NELL1: variants seen among roughly 807,000 people sequenced by gnomAD.
NELL1 encodes neural EGFL like 1, also known as protein kinase C-binding protein NELL1.
Under a neutral mutation model 107.4 loss-of-function variants are expected in NELL1, and 76 were observed. That is an observed-to-expected ratio of 0.71 (90% CI 0.59 to 0.86). The LOEUF (loss-of-function observed/expected upper bound fraction) is 0.86, where lower values mean the gene tolerates loss of function less well. Ranked by LOEUF, NELL1 falls within the 40% of genes least tolerant of loss-of-function variation. NELL1 has a pLI of 0.00. For synonymous variants in NELL1, 353 were observed against 341.2 expected, an observed-to-expected ratio of 1.03 and a Z score of -0.38; for missense variants, 1,024 against 1,005.5, an observed-to-expected ratio of 1.02 and a Z score of -0.25.
intron 14 of NELL1, among the ~76,000 whole-genome samples, chr11:21,264,608 C>T (rs1275889496): frequency 6.6e-6 from 1 of 151,916 alleles, no homozygotes; most frequent in African/African-American, 2.4e-5. Flanking sequence ...TTATAATAAC[C>T]TTACTATAGG....
intron 15 of NELL1, among the ~76,000 whole-genome samples, chr11:21,382,614 A>G (rs1477552777): frequency 6.6e-6 from 1 of 151,914 alleles, no homozygotes; most frequent in African/African-American, 2.4e-5. Context: ...CAAGAATAGA[A>G]TAGAAATTTT....
At chr11:20,953,918 T>C (rs919292072) in intron 11 of NELL1, among the ~76,000 whole-genome samples, 1 of 152,106 alleles carries the variant, frequency 6.6e-6, no homozygotes, top group African/African-American at 2.4e-5. Flanking sequence ...TGCGGACATG[T>C]TTATGGTATT....
At chr11:21,112,907 G>T (rs1298114049) in intron 12 of NELL1, among the ~76,000 whole-genome samples, 1 of 152,006 alleles carries the variant, frequency 6.6e-6, no homozygotes, top group Non-Finnish European at 1.5e-5. Context: ...TAAACTCTGT[G>T]CTTAAGGTTG....
chr11:21,569,682 G>C (rs113322963), intron 17 of NELL1, among the ~76,000 whole-genome samples: 3 of 151,762 alleles, frequency 2.0e-5, no homozygotes, highest in African/African-American at 7.3e-5. Context: ...ATTACTGAAG[G>C]TATGGATTCG....
Position 21,198,518 on chromosome 11 carries a change from C to T in NELL1, c.1427-30814C>T, listed in dbSNP as rs73452243. On this transcript the variant is annotated intron_variant, in intron 13 of 19. Transcript: ENST00000357134. ...TATTTGTTACTACCTGTGAACATCA[C>T]GAGCTCAATCACTGGTAGAGAGAGA... 1.8e-3 allele frequency among the ~76,000 whole-genome samples: 272 copies of T among 152,296 alleles called. 2 individuals carry two copies. Among genetic ancestry groups the T allele is most frequent in the African/African-American group, 5.8e-3 (243 of 41,576 alleles).
intron 12 of NELL1, among the ~76,000 whole-genome samples, chr11:21,097,075 C>G (rs1854660760): frequency 6.6e-6 from 1 of 152,086 alleles, no homozygotes; most frequent in African/African-American, 2.4e-5. Flanking sequence ...ATCATAAATT[C>G]AGACTAACCT....
chr11:21,346,628 A>G (rs1850688298), intron 14 of NELL1, among the ~76,000 whole-genome samples: 1 of 148,090 alleles, frequency 6.8e-6, no homozygotes. Flanking sequence ...GCTGTATCAA[A>G]TATATATTAA....
At chr11:20,695,749 G>T (rs184836729) in intron 2 of NELL1, among the ~76,000 whole-genome samples, 3 of 151,960 alleles carry the variant, frequency 2.0e-5, no homozygotes, top group African/African-American at 4.8e-5. Context: ...GTTTTTCATT[G>T]TGTCTTTGTT....
intron 13 of NELL1, among the ~76,000 whole-genome samples, chr11:21,117,245 G>C (rs1855258871): frequency 1.3e-5 from 2 of 151,886 alleles, no homozygotes; most frequent in African/African-American, 2.4e-5. Flanking sequence ...CATACCACCT[G>C]ATTTTAGTTC....
chr11:20,789,119 T>C (rs946131617), intron 3 of NELL1, among the ~76,000 whole-genome samples: 1 of 152,214 alleles, frequency 6.6e-6, no homozygotes, highest in Non-Finnish European at 1.5e-5. Context: ...CAGAAACCTG[T>C]GGCTGGTGGT....
At chr11:20,725,253 C>T (rs1233570921) in intron 2 of NELL1, among the ~76,000 whole-genome samples, 2 of 152,208 alleles carry the variant, frequency 1.3e-5, no homozygotes, top group Non-Finnish European at 2.9e-5. Context: ...TACTATTGTT[C>T]CAAATTTCCT....
Position 21,501,696 on chromosome 11 carries a change from G to A in NELL1, c.1646-32678G>A, listed in dbSNP as rs111772204. Among the ~76,000 whole-genome samples, 620 of 152,262 alleles carry A rather than the reference G, an allele frequency of 4.1e-3. 9 individuals carry two copies. The highest frequency in any genetic ancestry group is 0.013 in the African/African-American group (543 of 41,542). ...AAAACGCTTTGCAGCTTATTACTTT[G>A]CAGCTGATAATGCAATGGAGTAGGT... On this transcript the variant is annotated intron_variant, in intron 15 of 19. Coordinates refer to ENST00000357134, the MANE Select transcript of NELL1 (RefSeq NM_006157.5).
intron 16 of NELL1, among the ~76,000 whole-genome samples, chr11:21,546,088 AG>A (rs1229084198): frequency 6.6e-6 from 1 of 151,982 alleles, no homozygotes; most frequent in Non-Finnish European, 1.5e-5. Context: ...ATGGAACCAT[AG>A]TTTTTCCTGG....
intron 12 of NELL1, among the ~76,000 whole-genome samples, chr11:21,086,056 T>G (rs1854384368): frequency 6.6e-6 from 1 of 152,188 alleles, no homozygotes; most frequent in Non-Finnish European, 1.5e-5. Flanking sequence ...ACTTAGTAAC[T>G]GCCTATTGGA....
chr11:21,175,677 G>A (rs972351799), intron 13 of NELL1, among the ~76,000 whole-genome samples: 3 of 151,942 alleles, frequency 2.0e-5, no homozygotes, highest in African/African-American at 7.3e-5. Context: ...ATGTTAATTG[G>A]CAGCTCCGAT....
intron 14 of NELL1, among the ~76,000 whole-genome samples, chr11:21,338,820 GT>G (rs992420584): frequency 8.5e-4 from 130 of 152,260 alleles, no homozygotes; most frequent in African/African-American, 3.0e-3. Flanking sequence ...ACTTTGCAAA[GT>G]TTCAAGAGGA....
chr11:21,575,169 T>G lies in NELL1; in HGVS notation c.*147T>G. 1 of 726,412 alleles carries G rather than the reference T, an allele frequency of 1.4e-6. No individual in the cohort carries two copies. Among genetic ancestry groups the G allele is most frequent in the Non-Finnish European group, 2.4e-6 (1 of 424,920 alleles). 45.0% of individuals were successfully genotyped at this position (726,412 alleles called of 1,614,324 possible). A position where few individuals can be genotyped will look rare whatever the true frequency, so the allele number is the denominator to read the frequency against. ...AAAGTTTCCACCTGAGGACGGTGTT[T>G]GGAGGTTGCCTTTTGGACCTACCAC... On this transcript the variant is annotated 3_prime_UTR_variant, in exon 20 of 20. Transcript: ENST00000357134.
At chr11:21,461,073 A>G (rs1853889559) in intron 15 of NELL1, among the ~76,000 whole-genome samples, 1 of 152,156 alleles carries the variant, frequency 6.6e-6, no homozygotes, top group Non-Finnish European at 1.5e-5. Context: ...TTTAATTAAC[A>G]TTCTTAGCTG....
At chr11:21,247,906 C>T (rs1330428439) in intron 14 of NELL1, among the ~76,000 whole-genome samples, 1 of 151,902 alleles carries the variant, frequency 6.6e-6, no homozygotes, top group Admixed American at 6.6e-5. Context: ...TTTCAGCTTC[C>T]TTATAATCTT....
Sources: gnomAD v4.1 joint callset for allele counts (sites outside exome capture counted in the v4.1 genomes callset) on GRCh38, gnomAD v4.1.1 for gene constraint, MANE v1.5 for transcripts, NCBI Gene and HGNC (gene_info 2026-07-23, HGNC 2026-07-21) for gene names.